The following PROX2 variants were observed in gnomAD, a reference collection of about 807,000 sequenced individuals.
PROX2 encodes prospero homeobox protein 2.
Under a neutral mutation model 48.9 loss-of-function variants are expected in PROX2, and 46 were observed. That is an observed-to-expected ratio of 0.94 (90% CI 0.74 to 1.20). The LOEUF (loss-of-function observed/expected upper bound fraction) is 1.20, where lower values mean the gene tolerates loss of function less well. Ranked by LOEUF, PROX2 falls within the 50% of genes most tolerant of loss-of-function variation. The pLI is 0.00. For missense variants in PROX2, 663 were observed against 719.4 expected, an observed-to-expected ratio of 0.92 and a Z score of 0.90; for synonymous variants, 260 against 276.6, an observed-to-expected ratio of 0.94 and a Z score of 0.60.
intron 3 of PROX2, chr14:74,861,069 G>A: frequency 4.4e-6 from 2 of 453,960 alleles, no homozygotes; most frequent in Non-Finnish European, 8.3e-6. Flanking sequence ...AAGCTTTGGG[G>A]TGTTTCCAAC....
At chr14:74,862,409 G>T in intron 3 of PROX2, 121 bp downstream of exon 3, 4 of 1,129,588 alleles carry the variant, frequency 3.5e-6, no homozygotes, top group South Asian at 1.6e-5. Context: ...GTGCAGGCTA[G>T]TCTTGAACAC....
chr14:74,854,278 C>G lies in PROX2; in HGVS notation c.*854G>C, dbSNP rs752011856. ...AGACAAATGTGAATAAACAGCAACACTCAAGTCCTGCATAAAGTTTGTCTT... is the reference window on the plus strand; with the variant it reads ...AGACAAATGTGAATAAACAGCAACAGTCAAGTCCTGCATAAAGTTTGTCTT... On this transcript the variant is annotated 3_prime_UTR_variant, in exon 6 of 6. Coordinates refer to ENST00000556489, the MANE Select transcript of PROX2 (RefSeq NM_001243007.2). 2.1e-6 allele frequency: 1 copy of G among 475,090 alleles called. No homozygotes were observed. The highest frequency in any genetic ancestry group is 4.2e-6 in the Non-Finnish European group (1 of 238,864). The allele number at this position is 475,090 out of a possible 1,614,324, so 29.4% of individuals were successfully genotyped here. A position where few individuals can be genotyped will look rare whatever the true frequency, so the allele number is the denominator to read the frequency against.
intron 4 of PROX2, 118 bp from the exon 5 acceptor site, chr14:74,857,113 G>T: frequency 1.3e-6 from 1 of 742,178 alleles, no homozygotes; most frequent in African/African-American, 1.7e-5. Flanking sequence ...CATTAACAGG[G>T]GCTTCCTTTA....
Position 74,863,097 on chromosome 14 carries a change from T to C in PROX2, c.738A>G (p.Leu246=), listed in dbSNP as rs919323167. The change falls in exon 3 of 6, where the codon CTA becomes CTG. Residue 246 remains leucine (L), a synonymous_variant. Transcript: ENST00000556489. ...QAVDSVLQKV[L]LDPPGHLTQL... ...GAGTCAGGTGGCCTGGTGGATCCAA[T>C]AGTACCTTTTGTAATACCGAGTCCA... 1 of 1,613,858 alleles carries C rather than the reference T, an allele frequency of 6.2e-7. No homozygotes were observed. Among genetic ancestry groups the C allele is most frequent in the Non-Finnish European group, 8.5e-7 (1 of 1,179,884 alleles).
Position 74,863,978 on chromosome 14 carries a change from GC to G in PROX2, c.-145del. 9.1e-7 allele frequency: 1 copy of G among 1,097,146 alleles called. No individual in the cohort carries two copies. Among genetic ancestry groups the G allele is most frequent in the Non-Finnish European group, 1.2e-6 (1 of 849,046 alleles). The allele number at this position is 1,097,146 out of a possible 1,614,324, so 68.0% of individuals were successfully genotyped here. A position where few individuals can be genotyped will look rare whatever the true frequency, so the allele number is the denominator to read the frequency against. ...TGAGGAAGGATTCAGATTCTGGGAT[GC>G]CAGGGCTCATGAACCTCCTGGGCAG... On this transcript the variant is annotated 5_prime_UTR_variant, in exon 3 of 6. It removes the in-frame stop codon of an upstream open reading frame in the 5' UTR. Coordinates refer to ENST00000556489, the MANE Select transcript of PROX2 (RefSeq NM_001243007.2).
At position 74,863,561 on chromosome 14, in the gene PROX2, T is replaced by C; in HGVS notation, c.274A>G (p.Ser92Gly). The change falls in exon 3 of 6, where the codon AGC becomes GGC. Residue 92 changes from serine to glycine, a missense_variant. By Grantham distance (56) the Ser-to-Gly change is moderately conservative. Transcript: ENST00000556489. ...LVPGNAQAGV[S>G]PRCPKKARER... ...CGGGCCTTCTTTGGGCAGCGTGGGC[T>C]GACCCCAGCTTGCGCATTGCCTGGC... is the stretch of plus-strand genomic sequence containing the variant. 6.2e-7 allele frequency: 1 copy of C among 1,613,404 alleles called. No homozygotes were observed. Among genetic ancestry groups the C allele is most frequent in the Non-Finnish European group, 8.5e-7 (1 of 1,179,648 alleles).
In PROX2 at chr14:74,858,726, G is replaced by T; in HGVS notation, c.1306-212C>A. 1.9e-6 allele frequency: 1 copy of T among 515,208 alleles called. No individual in the cohort carries two copies. The highest frequency in any genetic ancestry group is 3.5e-6 in the Non-Finnish European group (1 of 285,800). The allele number at this position is 515,208 out of a possible 1,614,324, so 31.9% of individuals were successfully genotyped here. A position where few individuals can be genotyped will look rare whatever the true frequency, so the allele number is the denominator to read the frequency against. On this transcript the variant is annotated intron_variant, in intron 3 of 5. Coordinates refer to ENST00000556489, the MANE Select transcript of PROX2 (RefSeq NM_001243007.2). ...AGTCACAGAATGTAAAAATCATCTC[G>T]ATGTGGAAAAGTTATGTAGCATAGA...
At chr14:74,857,736 A>AT (rs1287923803) in intron 4 of PROX2, 1 of 142,872 alleles carries the variant, frequency 7.0e-6, no homozygotes, top group Non-Finnish European at 1.5e-5. Context: ...CTCTATATAT[A>AT]TTTTTTGTTG....
Position 74,862,767 on chromosome 14 carries a change from A to G in PROX2, c.1068T>C (p.Asn356=), listed in dbSNP as rs995801258. Residue 356 remains asparagine (N), a synonymous_variant, in exon 3 of 6, where the codon AAT becomes AAC. Transcript: ENST00000556489. The stretch of plus-strand genomic sequence containing the variant: ...GGGGAGGACTGCTACTCCAATGGCC[A>G]TTGTTGTATCTATGACCCAGTAGCT... The part of the protein sequence containing the change: ...LSQLLGHRYN[N]GHWSSSPPQD... The G allele has an allele frequency of 6.2e-7, 1 of 1,613,950 alleles. No homozygotes were observed. The highest frequency in any genetic ancestry group is 8.5e-7 in the Non-Finnish European group (1 of 1,179,882).
In PROX2 at chr14:74,863,050, C is replaced by G; in HGVS notation, c.785G>C (p.Gly262Ala). The G allele has an allele frequency of 6.2e-7, 1 of 1,613,866 alleles. No homozygotes were observed. Among genetic ancestry groups the G allele is most frequent in the Non-Finnish European group, 8.5e-7 (1 of 1,179,802 alleles). Residue 262 changes from glycine (G) to alanine (A), a missense_variant, in exon 3 of 6, where the codon GGG becomes GCG. By Grantham distance (60) the Gly-to-Ala change is moderately conservative (BLOSUM62 0). Coordinates refer to ENST00000556489, the MANE Select transcript of PROX2 (RefSeq NM_001243007.2). Reference protein sequence around the residue: ...HLTQLGRSFQGQVAEGRSEPS... With the variant: ...HLTQLGRSFQAQVAEGRSEPS... ...CTCGCTTCTACCCTCTGCCACCTGCCCCTGGAAGCTTCTGCCCAGCTGAGT... is the reference window on the plus strand; with the variant it reads ...CTCGCTTCTACCCTCTGCCACCTGCGCCTGGAAGCTTCTGCCCAGCTGAGT...
At position 74,870,441 on chromosome 14, in the gene PROX2, TAC is replaced by T. The variant is rs10525556; in HGVS notation, c.-175+660_-175+661del. On this transcript the variant is annotated intron_variant, in intron 2 of 5. Transcript: ENST00000556489. ...GCCTGCCTCAAAAAAAAAAAAAAAA[TAC>T]ACACACACACACACACACACACACA... Among the ~76,000 whole-genome samples the T allele has an allele frequency of 7.3e-3, 811 of 110,840 alleles. 3 individuals carry two copies. Among genetic ancestry groups the T allele is most frequent in the Non-Finnish European group, 8.9e-3 (527 of 59,074 alleles). The allele number at this position is 110,840 out of a possible 152,430, so 72.7% of individuals were successfully genotyped here.
chr14:74,855,426 G>C, intron 5 of PROX2, 124 bp from the exon 6 acceptor site: 1 of 654,692 alleles, frequency 1.5e-6, no homozygotes, highest in Non-Finnish European at 2.3e-6. Context: ...CCCTGCTCTA[G>C]TGGCCCCTGA....
intron 2 of PROX2, among the ~76,000 whole-genome samples, chr14:74,866,894 G>A (rs1013164129): frequency 3.3e-5 from 5 of 152,178 alleles, no homozygotes; most frequent in Non-Finnish European, 7.3e-5. Flanking sequence ...GTTAATGTAG[G>A]CAAGAGGGGG....
chr14:74,864,135 G>T, intron 2 of PROX2, 127 bp from the exon 3 acceptor site: 1 of 202,744 alleles, frequency 4.9e-6, no homozygotes, highest in Non-Finnish European at 9.7e-6. Context: ...GTGGGGTGGG[G>T]CAGAGATTCT....
intron 2 of PROX2, among the ~76,000 whole-genome samples, chr14:74,870,445 C>T (rs963415900): frequency 3.4e-5 from 5 of 148,002 alleles, no homozygotes; most frequent in African/African-American, 1.2e-4. Flanking sequence ...AAAAAATACA[C>T]ACACACACAC....
In PROX2 at chr14:74,856,845, A is replaced by T. The variant is rs752977519; in HGVS notation, c.1564T>A (p.Phe522Ile). The T allele has an allele frequency of 3.7e-6, 6 of 1,614,046 alleles. No homozygotes were observed. Among genetic ancestry groups the T allele is most frequent in the Non-Finnish European group, 5.1e-6 (6 of 1,179,884 alleles). Residue 522 changes from phenylalanine (F) to isoleucine (I), a missense_variant, in exon 5 of 6, where the codon TTT becomes ATT. Physicochemically the swap from Phe to Ile is conservative, Grantham distance 21. Coordinates refer to ENST00000556489, the MANE Select transcript of PROX2 (RefSeq NM_001243007.2). The stretch of plus-strand genomic sequence containing the variant: ...TTGTAGTGCATATTGAGAGCTTGAA[A>T]AAGTTCTGAATTGCGGAGAACCACC... ...MLVVLRNSELFQALNMHYNKG... is the reference protein window; with the variant it reads ...MLVVLRNSELIQALNMHYNKG...
chr14:74,862,764 GCCATTGTTGTATCTATGAC>G lies in PROX2; in HGVS notation c.1052_1070del (p.Gly351AlafsTer36). On this transcript the variant is annotated frameshift_variant, in exon 3 of 6. Coordinates refer to ENST00000556489, the MANE Select transcript of PROX2 (RefSeq NM_001243007.2). LOFTEE classifies it high-confidence loss of function. ...CCTGGGGAGGACTGCTACTCCAATGGCCATTGTTGTATCTATGACCCAGTAGCTGGCTAAGAATCTGATT... is the reference window on the plus strand; with the variant it reads ...CCTGGGGAGGACTGCTACTCCAATGGCCAGTAGCTGGCTAAGAATCTGATT... The G allele has an allele frequency of 6.2e-7, 1 of 1,614,000 alleles. No individual in the cohort carries two copies. The highest frequency in any genetic ancestry group is 8.5e-7 in the Non-Finnish European group (1 of 1,179,888).
chr14:74,874,065 C>A, intron 1 of PROX2: 1 of 524,334 alleles, frequency 1.9e-6, no homozygotes. Flanking sequence ...ATGAATCCGC[C>A]TTTTGGGACC....
chr14:74,871,472 G>A (rs527438935), intron 1 of PROX2, among the ~76,000 whole-genome samples: 87 of 152,122 alleles, frequency 5.7e-4, no homozygotes, highest in African/African-American at 2.1e-3. Context: ...TGAATTTCAA[G>A]TATATAATGG....
Sources: allele counts gnomAD v4.1 joint callset (sites outside exome capture counted in the v4.1 genomes callset), GRCh38; gene constraint gnomAD v4.1.1; transcripts MANE v1.5; gene names NCBI Gene and HGNC (gene_info 2026-07-23, HGNC 2026-07-21).